Variants in VEGFC observed in about 807,000 individuals in gnomAD.
The protein encoded by VEGFC is vascular endothelial growth factor C, also known as FLT4 ligand DHM.
Under a neutral mutation model 46.1 loss-of-function variants are expected in VEGFC, and 12 were observed. The observed-to-expected ratio is 0.26, with a 90% CI of 0.17 to 0.42. The LOEUF is 0.42. Among genes scored for constraint, VEGFC ranks in the 10% least tolerant of loss-of-function variants. The probability of loss-of-function intolerance (pLI) is 1.00; values close to 1 mark genes in which losing one functional copy is unlikely to be tolerated. For synonymous variants in VEGFC, 232 were observed against 195.5 expected (o/e 1.19, Z -1.56); for missense variants, 488 against 529.4 (o/e 0.92, Z 0.77).
intron 6 of VEGFC, among the ~76,000 whole-genome samples, chr4:176,684,538 G>A (rs999953229): frequency 3.3e-5 from 5 of 152,124 alleles, no homozygotes; most frequent in African/African-American, 9.7e-5. Flanking sequence ...GCTGCATGAC[G>A]GTGACTAACT....
At chr4:176,718,162 G>C (rs525124) in intron 3 of VEGFC, among the ~76,000 whole-genome samples, 19,617 of 152,066 alleles carry the variant, frequency 0.13, 2,797 homozygotes, top group African/African-American at 0.35. Context: ...CTTAAAGAAA[G>C]TTCTGATAAC....
rs1479439647 is a variant in VEGFC at position 176,684,024 on chromosome 4, A to G, written c.1162T>C (p.Cys388Arg). The change falls in exon 7 of 7, where the codon TGT becomes CGT. Residue 388 changes from cysteine to arginine, a missense_variant. Transcript: ENST00000618562. ...TCACAAGCCTTCTGGCGGTTCGTAC[A>G]TGGCCGTCTGTAACAGCTAGGAGAA... ...HQTCSCYRRP[C>R]TNRQKACEPG... 1 of 1,614,192 alleles carries G rather than the reference A, an allele frequency of 6.2e-7. No homozygotes were observed. The highest frequency in any genetic ancestry group is 1.1e-5 in the South Asian group (1 of 91,086).
chr4:176,722,238 T>C lies in VEGFC; in HGVS notation c.552+5540A>G, dbSNP rs1432995662. ...ACACAAGCAAATGATTGGGAAGAAG[T>C]TGACAAAACTCATATCAACATTGTA... is the stretch of plus-strand genomic sequence containing the variant. On this transcript the variant is annotated intron_variant, in intron 3 of 6. Transcript: ENST00000618562. Among the ~76,000 whole-genome samples the C allele has an allele frequency of 3.3e-5, 5 of 152,182 alleles. No individual in the cohort carries two copies. The East Asian group carries it at 5.8e-4, about 18-fold the overall frequency.
intron 4 of VEGFC, among the ~76,000 whole-genome samples, chr4:176,696,009 A>T: frequency 6.8e-6 from 1 of 146,330 alleles, no homozygotes; most frequent in African/African-American, 2.6e-5. Context: ...TATCTATGAC[A>T]AACCCACAGC....
intron 3 of VEGFC, among the ~76,000 whole-genome samples, chr4:176,713,780 GGAA>G (rs1734655320): frequency 6.6e-6 from 1 of 152,132 alleles, no homozygotes; most frequent in South Asian, 2.1e-4. Context: ...AATATGTCTG[GGAA>G]GAAGCATAAC....
rs554270807 is a variant in VEGFC at position 176,760,903 on chromosome 4, G to A, written c.148-31157C>T. Among the ~76,000 whole-genome samples, 499 of 152,284 alleles carry A rather than the reference G, an allele frequency of 3.3e-3. 4 individuals are homozygous for A. The highest frequency in any genetic ancestry group is 7.8e-3 in the Admixed American group (119 of 15,294). Reference sequence around the variant, plus strand: ...CTAAGCTTATCATCACTCACTCGTGGTACTAGCAATGATTGTTTCGCACAT... The same window carrying A: ...CTAAGCTTATCATCACTCACTCGTGATACTAGCAATGATTGTTTCGCACAT... On this transcript the variant is annotated intron_variant, in intron 1 of 6. Transcript: ENST00000618562.
At chr4:176,697,414 G>A (rs1214577876) in intron 4 of VEGFC, among the ~76,000 whole-genome samples, 1 of 152,202 alleles carries the variant, frequency 6.6e-6, no homozygotes, top group Non-Finnish European at 1.5e-5. Flanking sequence ...TCAGAGAAAT[G>A]CAAATCAAAA....
At chr4:176,758,205 G>A (rs1735467037) in intron 1 of VEGFC, among the ~76,000 whole-genome samples, 1 of 152,068 alleles carries the variant, frequency 6.6e-6, no homozygotes, top group Non-Finnish European at 1.5e-5. Context: ...AGAAAGCAAA[G>A]ATTGGTTACC....
chr4:176,749,991 A>ATG (rs1221208322), intron 1 of VEGFC, among the ~76,000 whole-genome samples: 1 of 151,836 alleles, frequency 6.6e-6, no homozygotes, highest in Non-Finnish European at 1.5e-5. Flanking sequence ...TTAAAAAATT[A>ATG]TGCCAAAATG....
chr4:176,791,398 A>G (rs1223205653), intron 1 of VEGFC, among the ~76,000 whole-genome samples: 3 of 152,194 alleles, frequency 2.0e-5, no homozygotes, highest in Non-Finnish European at 4.4e-5. Flanking sequence ...CAAAATCAGG[A>G]TGCCTCAAAA....
chr4:176,740,347 TTATA>T (rs1406895450), intron 1 of VEGFC, among the ~76,000 whole-genome samples: 5 of 119,604 alleles, frequency 4.2e-5, no homozygotes, highest in Non-Finnish European at 6.5e-5. Context: ...AACTATATAT[TTATA>T]TATAGTTATA....
At chr4:176,705,410 G>A (rs1734516372) in intron 4 of VEGFC, among the ~76,000 whole-genome samples, 1 of 152,184 alleles carries the variant, frequency 6.6e-6, no homozygotes, top group African/African-American at 2.4e-5. Context: ...GTCTGCTAAA[G>A]AGAATTGCTA....
intron 3 of VEGFC, among the ~76,000 whole-genome samples, chr4:176,725,501 C>G (rs1028691775): frequency 6.6e-6 from 1 of 151,964 alleles, no homozygotes; most frequent in African/African-American, 2.4e-5. Context: ...AAAAAATATG[C>G]TTGAAAGTAA....
At chr4:176,751,899 A>G (rs185686799) in intron 1 of VEGFC, among the ~76,000 whole-genome samples, 1 of 152,054 alleles carries the variant, frequency 6.6e-6, no homozygotes, top group East Asian at 1.9e-4. Flanking sequence ...AGAATTTGAT[A>G]GAGCCCCACC....
chr4:176,721,649 T>G (rs551300114), intron 3 of VEGFC, among the ~76,000 whole-genome samples: 1 of 152,290 alleles, frequency 6.6e-6, no homozygotes, highest in African/African-American at 2.4e-5. Flanking sequence ...GAAGAATAAC[T>G]TGGCTTGACC....
intron 1 of VEGFC, among the ~76,000 whole-genome samples, chr4:176,751,075 A>G (rs926813110): frequency 7.9e-5 from 12 of 151,966 alleles, no homozygotes; most frequent in African/African-American, 2.4e-4. Context: ...GACTGAGAAT[A>G]ATAAATTTAA....
chr4:176,742,216 T>A (rs187822448), intron 1 of VEGFC, among the ~76,000 whole-genome samples: 6 of 152,156 alleles, frequency 3.9e-5, no homozygotes, highest in Non-Finnish European at 8.8e-5. Flanking sequence ...TTAATTCACT[T>A]AGGAAAACGG....
At chr4:176,742,370 TA>T (rs1309308539) in intron 1 of VEGFC, among the ~76,000 whole-genome samples, 1 of 151,978 alleles carries the variant, frequency 6.6e-6, no homozygotes, top group Non-Finnish European at 1.5e-5. Flanking sequence ...ACTTTGCTAT[TA>T]AAAATAGTGC....
intron 3 of VEGFC, among the ~76,000 whole-genome samples, chr4:176,714,224 C>G (rs1432614073): frequency 6.6e-6 from 1 of 152,214 alleles, no homozygotes; most frequent in Non-Finnish European, 1.5e-5. Flanking sequence ...TGGCTTAGCA[C>G]CATCCTTCGG....
Sources: gnomAD v4.1 joint callset for allele counts (sites outside exome capture counted in the v4.1 genomes callset) on GRCh38, gnomAD v4.1.1 for gene constraint, MANE v1.5 for transcripts, NCBI Gene and HGNC (gene_info 2026-07-23, HGNC 2026-07-21) for gene names.